ALK: variants seen among roughly 807,000 people sequenced by gnomAD.
ALK encodes the protein ALK receptor tyrosine kinase.
Under a neutral mutation model 163.1 loss-of-function variants are expected in ALK, and 74 were observed. The ratio of observed to expected loss-of-function variants is 0.45; its 90% CI spans 0.38 to 0.55. The LOEUF is 0.55. Ranked by LOEUF, ALK falls within the 20% of genes least tolerant of loss-of-function variation. The pLI, the probability that ALK is intolerant of heterozygous loss-of-function variation, is 0.00. For synonymous variants in ALK, 960 were observed against 843.2 expected (o/e 1.14, Z -2.40); for missense variants, 2,063 against 2,105.3 (o/e 0.98, Z 0.39).
At chr2:29,713,941 C>T (rs540483805) in intron 2 of ALK, among the ~76,000 whole-genome samples, 6 of 151,940 alleles carry the variant, frequency 3.9e-5, no homozygotes, top group African/African-American at 1.4e-4. Context: ...TTCCCATACC[C>T]AGAGTGGGCA....
intron 3 of ALK, among the ~76,000 whole-genome samples, chr2:29,574,722 C>T (rs1267215411): frequency 1.3e-5 from 2 of 152,208 alleles, no homozygotes; most frequent in Non-Finnish European, 1.5e-5. Flanking sequence ...GGTGTTTCTA[C>T]CTTTTGCTGA....
intron 4 of ALK, among the ~76,000 whole-genome samples, chr2:29,501,038 C>T (rs1672161646): frequency 6.6e-6 from 1 of 152,196 alleles, no homozygotes; most frequent in South Asian, 2.1e-4. Context: ...TAAATACCCT[C>T]TTCTTCCCCT....
At chr2:29,264,206 C>T (rs554186049) in intron 11 of ALK, among the ~76,000 whole-genome samples, 4 of 152,202 alleles carry the variant, frequency 2.6e-5, no homozygotes, top group East Asian at 1.9e-4. Flanking sequence ...TGCACTTCAC[C>T]GTCAAGGCCT....
chr2:29,635,788 T>TA (rs1300218464), intron 3 of ALK, among the ~76,000 whole-genome samples: 11 of 90,768 alleles, frequency 1.2e-4, no homozygotes, highest in East Asian at 3.9e-4. Context: ...TTTTTTTTTT[T>TA]TAATTATACT....
At chr2:29,739,240 TAAAAAAAAAAAAAAAA>T (rs57381961) in intron 1 of ALK, among the ~76,000 whole-genome samples, 2 of 40,298 alleles carry the variant, frequency 5.0e-5, no homozygotes, top group East Asian at 8.8e-4. Flanking sequence ...CAGTCTCTCT[TAAAAAAAAAAAAAAAA>T]AAAAAAAAAA....
chr2:29,311,233 G>A (rs917160154), intron 8 of ALK, among the ~76,000 whole-genome samples: 9 of 152,218 alleles, frequency 5.9e-5, no homozygotes, highest in Non-Finnish European at 1.2e-4. Flanking sequence ...AACCAAGGCA[G>A]AGCAGGTGCT....
intron 1 of ALK, chr2:29,891,125 C>T (rs550258905): frequency 4.0e-4 from 61 of 152,270 alleles, no homozygotes; most frequent in African/African-American, 1.2e-3. Context: ...CTAATGGATG[C>T]TTTATAAGTA....
At chr2:29,560,404 T>G (rs773374174) in intron 3 of ALK, among the ~76,000 whole-genome samples, 2 of 152,168 alleles carry the variant, frequency 1.3e-5, no homozygotes, top group Non-Finnish European at 2.9e-5. Context: ...AGAAATAGAT[T>G]AAGGGTTGCC....
At chr2:29,892,601 T>C (rs1667170933) in intron 1 of ALK, among the ~76,000 whole-genome samples, 1 of 152,308 alleles carries the variant, frequency 6.6e-6, no homozygotes, top group South Asian at 2.1e-4. Context: ...AAGGTATTAC[T>C]GTCCCTGTTC....
intron 4 of ALK, among the ~76,000 whole-genome samples, chr2:29,446,382 G>C (rs570129384): frequency 2.6e-4 from 39 of 152,202 alleles, no homozygotes; most frequent in African/African-American, 9.1e-4. Flanking sequence ...TTGTAGAAAA[G>C]TTCTTAACAA....
chr2:29,381,223 C>T (rs141792321), intron 5 of ALK, among the ~76,000 whole-genome samples: 1 of 152,390 alleles, frequency 6.6e-6, no homozygotes, highest in Admixed American at 6.5e-5. Flanking sequence ...TTAGTCCCTG[C>T]TTTACAGCAT....
chr2:29,309,038 C>T (rs1180092217), intron 8 of ALK, among the ~76,000 whole-genome samples: 1 of 152,094 alleles, frequency 6.6e-6, no homozygotes, highest in Non-Finnish European at 1.5e-5. Flanking sequence ...TCCTCTGTGT[C>T]TCAGTTTCTC....
intron 9 of ALK, among the ~76,000 whole-genome samples, chr2:29,276,951 T>G (rs553843878): frequency 1.3e-5 from 2 of 152,230 alleles, no homozygotes; most frequent in South Asian, 4.1e-4. Flanking sequence ...GTCACTGACT[T>G]GTACACTTAA....
chr2:29,449,424 T>C (rs1228833074), intron 4 of ALK, among the ~76,000 whole-genome samples: 1 of 152,224 alleles, frequency 6.6e-6, no homozygotes, highest in Non-Finnish European at 1.5e-5. Flanking sequence ...GCATATTTCC[T>C]AACTTTTCTT....
intron 1 of ALK, among the ~76,000 whole-genome samples, chr2:29,819,434 A>G (rs1664985171): frequency 6.6e-6 from 1 of 152,196 alleles, no homozygotes; most frequent in African/African-American, 2.4e-5. Flanking sequence ...TTCTTGTGTG[A>G]AGCAGATTAG....
At chr2:29,694,702 A>T (rs1678500471) in intron 3 of ALK, 148 bp downstream of exon 3, 1 of 1,058,330 alleles carries the variant, frequency 9.4e-7, no homozygotes. Context: ...TGCATGGCCC[A>T]AGAAGCCATG....
chr2:29,537,552 G>T (rs1673293221), intron 3 of ALK, among the ~76,000 whole-genome samples: 1 of 152,228 alleles, frequency 6.6e-6, no homozygotes, highest in Non-Finnish European at 1.5e-5. Context: ...TACCACTGGG[G>T]CAGAGCCCTG....
intron 4 of ALK, among the ~76,000 whole-genome samples, chr2:29,440,644 G>A (rs1447044842): frequency 5.3e-5 from 8 of 152,124 alleles, no homozygotes; most frequent in African/African-American, 1.9e-4. Context: ...AAGAGTTTTT[G>A]GTATGCAACT....
intron 1 of ALK, among the ~76,000 whole-genome samples, chr2:29,757,087 A>C (rs946025089): frequency 1.3e-5 from 2 of 152,218 alleles, no homozygotes; most frequent in Admixed American, 6.5e-5. Context: ...TGAGGCAGTG[A>C]GCTCTGTAGG....
Sources: allele counts gnomAD v4.1 joint callset (sites outside exome capture counted in the v4.1 genomes callset), GRCh38; gene constraint gnomAD v4.1.1; transcripts MANE v1.5; gene names NCBI Gene and HGNC (gene_info 2026-07-23, HGNC 2026-07-21).